The following RERE variants were observed in gnomAD, a reference collection of about 807,000 sequenced individuals.
RERE encodes the protein arginine-glutamic acid dipeptide repeats.
A neutral mutation model predicts 146.1 loss-of-function variants in RERE; 40 were observed. The ratio of observed to expected loss-of-function variants is 0.27; its 90% CI spans 0.21 to 0.36. RERE has a LOEUF of 0.36. Ranked by LOEUF, RERE falls within the 10% of genes least tolerant of loss-of-function variation. The pLI is 1.00. For missense variants in RERE, 1,933 were observed against 2,138.7 expected, an observed-to-expected ratio of 0.90 and a Z score of 1.90; for synonymous variants, 1,003 against 866.0, an observed-to-expected ratio of 1.16 and a Z score of -2.78.
Position 8,725,520 on chromosome 1 carries a change from C to T in RERE, c.-144-69079G>A, listed in dbSNP as rs567560412. Among the ~76,000 whole-genome samples, 8 of 152,148 alleles carry T rather than the reference C, an allele frequency of 5.3e-5. No individual in the cohort carries two copies. In the South Asian group the frequency reaches 1.2e-3, roughly 24 times the overall value. On this transcript the variant is annotated intron_variant, in intron 1 of 22. Coordinates refer to ENST00000400908, the MANE Select transcript of RERE (RefSeq NM_001042681.2). ...GGCAGAGGTTGCAGTAAGCCGACAT[C>T]GTGCCACTGCACTCCAGCCTGAGCA...
At chr1:8,366,957 CA>C (rs1266207993) in intron 12 of RERE, among the ~76,000 whole-genome samples, 4 of 137,630 alleles carry the variant, frequency 2.9e-5, no homozygotes, top group Non-Finnish European at 6.3e-5. Context: ...AAAACAAACA[CA>C]GCCAAGTGAG....
intron 6 of RERE, among the ~76,000 whole-genome samples, chr1:8,544,494 T>C (rs970727362): frequency 1.3e-5 from 2 of 152,058 alleles, no homozygotes; most frequent in African/African-American, 4.8e-5. Flanking sequence ...ATCTCAAAAA[T>C]TAAATGTTGA....
chr1:8,584,165 G>A (rs1646399780), intron 4 of RERE, among the ~76,000 whole-genome samples: 2 of 151,990 alleles, frequency 1.3e-5, no homozygotes, highest in Admixed American at 1.3e-4. Flanking sequence ...AACACAGCTG[G>A]CAATGTCTTA....
chr1:8,644,349 TG>T (rs1647229641), intron 2 of RERE, among the ~76,000 whole-genome samples: 1 of 152,198 alleles, frequency 6.6e-6, no homozygotes, highest in Non-Finnish European at 1.5e-5. Context: ...AGCATGTGGT[TG>T]GAACGGTCAG....
intron 15 of RERE, chr1:8,363,694 C>T (rs911817783): frequency 2.5e-5 from 6 of 237,046 alleles, no homozygotes; most frequent in Admixed American, 2.5e-4. Flanking sequence ...AAAAAAATCA[C>T]AAACACACTA....
chr1:8,492,328 A>G (rs574349439), intron 10 of RERE, among the ~76,000 whole-genome samples: 143 of 152,350 alleles, frequency 9.4e-4, no homozygotes, highest in African/African-American at 3.2e-3. Context: ...TTTGGAATAA[A>G]AAGGGGAATA....
chr1:8,713,707 C>T (rs1639711730), intron 1 of RERE, among the ~76,000 whole-genome samples: 1 of 152,014 alleles, frequency 6.6e-6, no homozygotes, highest in Non-Finnish European at 1.5e-5. Context: ...GCACTCCAGC[C>T]TGGGCAACAA....
At chr1:8,546,007 T>TTTTTTTTTTTTTTA (rs1645856785) in intron 6 of RERE, among the ~76,000 whole-genome samples, 1 of 126,824 alleles carries the variant, frequency 7.9e-6, no homozygotes, top group African/African-American at 3.1e-5. Flanking sequence ...TTTTTTTTTT[T>TTTTTTTTTTTTTTA]GAGATAGGGT....
At chr1:8,689,665 T>C (rs1251448241) in intron 1 of RERE, among the ~76,000 whole-genome samples, 1 of 151,978 alleles carries the variant, frequency 6.6e-6, no homozygotes, top group Non-Finnish European at 1.5e-5. Context: ...TTCTTCACCT[T>C]GAAAATCAAA....
chr1:8,735,716 G>A (rs544238213), intron 1 of RERE, among the ~76,000 whole-genome samples: 24 of 152,098 alleles, frequency 1.6e-4, no homozygotes, highest in Non-Finnish European at 3.2e-4. Flanking sequence ...CCCTCGGTGC[G>A]AAGTTCCCAT....
intron 1 of RERE, among the ~76,000 whole-genome samples, chr1:8,789,488 A>C (rs556384638): frequency 1.3e-5 from 2 of 151,534 alleles, no homozygotes; most frequent in East Asian, 3.9e-4. Flanking sequence ...AGATGCACAC[A>C]TAACTCTTTA....
intron 1 of RERE, among the ~76,000 whole-genome samples, chr1:8,803,734 T>G (rs1018033374): frequency 1.4e-5 from 2 of 145,424 alleles, no homozygotes; most frequent in Admixed American, 1.4e-4. Flanking sequence ...GGTTTTTTGT[T>G]TTTTTTTTTT....
At chr1:8,562,475 C>A (rs1646089997) in intron 4 of RERE, among the ~76,000 whole-genome samples, 1 of 74,154 alleles carries the variant, frequency 1.3e-5, no homozygotes, top group African/African-American at 5.0e-5. Context: ...TAACTTCTCA[C>A]CAGTTTGTTT....
chr1:8,572,116 T>C (rs905380230), intron 4 of RERE, among the ~76,000 whole-genome samples: 1 of 152,216 alleles, frequency 6.6e-6, no homozygotes, highest in Non-Finnish European at 1.5e-5. Context: ...TTTCAGTTTA[T>C]CTTAATTATT....
At position 8,510,964 on chromosome 1, in the gene RERE, G is replaced by A. The variant is rs7523031; in HGVS notation, c.831-2289C>T. ...GAGATGAGGTCTTGCTATGTTGCCC[G>A]GTCTGTTCTCAAAACCCTGGGCTCA... On this transcript the variant is annotated intron_variant, in intron 7 of 22. Coordinates refer to ENST00000400908, the MANE Select transcript of RERE (RefSeq NM_001042681.2). Among the ~76,000 whole-genome samples the A allele has an allele frequency of 2.4e-3, 365 of 151,924 alleles. 2 individuals are homozygous for A. Among genetic ancestry groups the A allele is most frequent in the African/African-American group, 8.4e-3 (346 of 41,422 alleles).
rs34958833 is a variant in RERE, at chr1:8,397,588, G to GA, written c.1284+25138dup. Among the ~76,000 whole-genome samples the GA allele has an allele frequency of 2.4e-3, 337 of 138,570 alleles. 3 individuals carry two copies. The highest frequency in any genetic ancestry group is 8.0e-3 in the East Asian group (37 of 4,608). 90.9% of individuals were successfully genotyped at this position (138,570 alleles called of 152,430 possible). On this transcript the variant is annotated intron_variant, in intron 12 of 22. Coordinates refer to ENST00000400908, the MANE Select transcript of RERE (RefSeq NM_001042681.2). ...GTTGAGCAAAATCACACTCACACAGGAAAAAAAAAAAAAAACACATGAAAC... is the reference window on the plus strand; with the variant it reads ...GTTGAGCAAAATCACACTCACACAGGAAAAAAAAAAAAAAAACACATGAAAC...
chr1:8,680,101 G>A (rs1223412785), intron 1 of RERE, among the ~76,000 whole-genome samples: 1 of 152,130 alleles, frequency 6.6e-6, no homozygotes, highest in African/African-American at 2.4e-5. Flanking sequence ...AAGAGATTCT[G>A]TACACATAAG....
intron 1 of RERE, among the ~76,000 whole-genome samples, chr1:8,693,643 C>T (rs967597103): frequency 6.6e-6 from 1 of 152,072 alleles, no homozygotes; most frequent in African/African-American, 2.4e-5. Flanking sequence ...GCAGTAAAGA[C>T]TCTTCTATAT....
chr1:8,773,685 G>A (rs1051995213), intron 1 of RERE, among the ~76,000 whole-genome samples: 4 of 152,134 alleles, frequency 2.6e-5, no homozygotes, highest in East Asian at 1.9e-4. Flanking sequence ...TTAGCCGGGC[G>A]TGGTGGTGCG....
Sources: allele counts gnomAD v4.1 joint callset (sites outside exome capture counted in the v4.1 genomes callset), GRCh38; gene constraint gnomAD v4.1.1; transcripts MANE v1.5; gene names NCBI Gene and HGNC (gene_info 2026-07-23, HGNC 2026-07-21).